Variants in LAMB4 observed in about 807,000 individuals in gnomAD.
LAMB4 encodes laminin subunit beta 4, also known as laminin subunit beta-4.
LAMB4 carries 196 observed loss-of-function variants against 199.2 expected under a neutral mutation model. That is an observed-to-expected ratio of 0.98 (90% CI 0.88 to 1.11). The LOEUF is 1.11. LAMB4 is among the 50% of genes least tolerant of loss of function. The probability of loss-of-function intolerance (pLI) is 0.00; values close to 1 mark genes in which losing one functional copy is unlikely to be tolerated. For synonymous variants in LAMB4, 744 were observed against 770.6 expected, an observed-to-expected ratio of 0.97 and a Z score of 0.57; for missense variants, 2,080 against 2,171.2, an observed-to-expected ratio of 0.96 and a Z score of 0.83.
At chr7:108,126,903 T>C (rs1237920633) in intron 1 of LAMB4, among the ~76,000 whole-genome samples, 1 of 152,130 alleles carries the variant, frequency 6.6e-6, no homozygotes, top group Non-Finnish European at 1.5e-5. Context: ...TATACCATTG[T>C]ATGCACCTGA....
intron 28 of LAMB4, among the ~76,000 whole-genome samples, chr7:108,045,817 A>G (rs1201551171): frequency 6.6e-6 from 1 of 152,236 alleles, no homozygotes; most frequent in African/African-American, 2.4e-5. Context: ...ATGTGAATGG[A>G]AAATGATGTG....
In LAMB4 at chr7:108,105,387, G is replaced by T. The variant is rs555670922; in HGVS notation, c.870+430C>A. Among the ~76,000 whole-genome samples, 7 of 152,300 alleles carry T rather than the reference G, an allele frequency of 4.6e-5. 1 individual carries two copies. The South Asian group carries it at 1.5e-3, about 32-fold the overall frequency. The stretch of plus-strand genomic sequence containing the variant: ...GGGTCTTGCACACAAAAGTCCTTCA[G>T]TAGATTTTTGTGAGAGAATGAATGT... On this transcript the variant is annotated intron_variant, in intron 8 of 33. Coordinates refer to ENST00000388781, the MANE Select transcript of LAMB4 (RefSeq NM_007356.3).
intron 33 of LAMB4, among the ~76,000 whole-genome samples, chr7:108,024,845 T>C (rs1361085152): frequency 6.6e-6 from 1 of 152,190 alleles, no homozygotes; most frequent in African/African-American, 2.4e-5. Context: ...AAGGAGACTA[T>C]ATAAGTGGAT....
At chr7:108,040,611 T>C (rs938127813) in intron 29 of LAMB4, among the ~76,000 whole-genome samples, 16 of 152,100 alleles carry the variant, frequency 1.1e-4, no homozygotes, top group African/African-American at 3.9e-4. Context: ...AGGCCACACA[T>C]CTAGAACTAT....
the LAMB4 span, among the ~76,000 whole-genome samples, chr7:108,016,413 A>G: frequency 6.7e-6 from 1 of 149,614 alleles, no homozygotes. Flanking sequence ...CTTCCCAAGT[A>G]GCTGGGACTA....
chr7:108,091,512 T>G (rs2037400174), intron 14 of LAMB4, 114 bp downstream of exon 14: 1 of 1,215,594 alleles, frequency 8.2e-7, no homozygotes, highest in Non-Finnish European at 1.2e-6. Flanking sequence ...TCTGCATCTT[T>G]GGGCAAAAGC....
intron 2 of LAMB4, among the ~76,000 whole-genome samples, chr7:108,119,678 G>C (rs1048065495): frequency 1.3e-5 from 2 of 152,194 alleles, no homozygotes; most frequent in Admixed American, 1.3e-4. Flanking sequence ...TGGTGGAACT[G>C]TTCTGTATCT....
chr7:108,085,183 A>G (rs981295928), intron 14 of LAMB4, among the ~76,000 whole-genome samples: 9 of 152,260 alleles, frequency 5.9e-5, no homozygotes, highest in African/African-American at 2.2e-4. Flanking sequence ...TGCTGAAGGT[A>G]GAGTGTTGGT....
rs3050225 is a variant in LAMB4, at chr7:108,032,695, C to CGTGTGTGT, written c.4818+1505_4818+1512dup. On this transcript the variant is annotated intron_variant, in intron 31 of 33. Coordinates refer to ENST00000388781, the MANE Select transcript of LAMB4 (RefSeq NM_007356.3). ...TTTTTCTACTGACTCTGTGTGTTTG[C>CGTGTGTGT]GTGTGTGTGTGTGTGTGTGTGTGTG... 5.7e-4 allele frequency among the ~76,000 whole-genome samples: 82 copies of CGTGTGTGT among 144,616 alleles called. No homozygotes were observed. The East Asian group carries it at 7.7e-3, about 13-fold the overall frequency. The allele number at this position is 144,616 out of a possible 152,430, so 94.9% of individuals were successfully genotyped here. A position where few individuals can be genotyped will look rare whatever the true frequency, so the allele number is the denominator to read the frequency against.
At chr7:108,128,687 C>A (rs1490470416) in intron 1 of LAMB4, among the ~76,000 whole-genome samples, 1 of 152,174 alleles carries the variant, frequency 6.6e-6, no homozygotes, top group Non-Finnish European at 1.5e-5. Flanking sequence ...CACAGCTGCA[C>A]ATACAGCGCA....
intron 3 of LAMB4, among the ~76,000 whole-genome samples, chr7:108,113,803 G>A (rs1002450950): frequency 2.6e-5 from 4 of 152,192 alleles, no homozygotes; most frequent in Non-Finnish European, 5.9e-5. Flanking sequence ...GGAAGCTTCT[G>A]AACAAAATGT....
At position 108,104,544 on chromosome 7, in the gene LAMB4, C is replaced by A; in HGVS notation, c.946G>T (p.Ala316Ser). 9.9e-6 allele frequency: 16 copies of A among 1,614,198 alleles called. No homozygotes were observed. The highest frequency in any genetic ancestry group is 1.4e-5 in the Non-Finnish European group (16 of 1,180,024). The change falls in exon 9 of 34, where the codon GCT becomes TCT. Residue 316 changes from alanine (A) to serine (S), a missense_variant. Ala to Ser is a moderately conservative substitution (Grantham distance 99, BLOSUM62 1). Transcript: ENST00000388781. ...CERCKDFFQD[A>S]PWRPAADLQD... ...AGGTCTGCAGCTGGCCTCCAAGGAG[C>A]ATCCTGGAAGAAGTCCTTGCATCTC...
chr7:108,092,681 G>A (rs1364749999), intron 12 of LAMB4, among the ~76,000 whole-genome samples: 2 of 152,092 alleles, frequency 1.3e-5, no homozygotes, highest in Non-Finnish European at 2.9e-5. Flanking sequence ...CGAGACGGGT[G>A]GATCACTTGA....
chr7:108,093,039 T>C (rs1450955414), intron 12 of LAMB4, among the ~76,000 whole-genome samples: 2 of 152,242 alleles, frequency 1.3e-5, no homozygotes, highest in Non-Finnish European at 2.9e-5. Context: ...CCTATCGGAA[T>C]AGAAGTTCTT....
chr7:108,106,361 A>T (rs1584764497), intron 7 of LAMB4, 148 bp downstream of exon 7: 2 of 618,164 alleles, frequency 3.2e-6, no homozygotes, highest in Non-Finnish European at 5.8e-6. Context: ...GAGGTTGCAG[A>T]GAGCTGAGAT....
chr7:108,059,897 C>T (rs775124309), intron 23 of LAMB4, among the ~76,000 whole-genome samples: 1 of 152,194 alleles, frequency 6.6e-6, no homozygotes, highest in Non-Finnish European at 1.5e-5. Context: ...ATATCTTGTT[C>T]TGTCTTTATC....
At chr7:108,101,269 A>G (rs2037807105) in intron 10 of LAMB4, among the ~76,000 whole-genome samples, 1 of 152,114 alleles carries the variant, frequency 6.6e-6, no homozygotes, top group African/African-American at 2.4e-5. Context: ...CATTTCTTAG[A>G]GTTGTGCTTG....
At chr7:108,052,599 A>G (rs528478294) in intron 25 of LAMB4, among the ~76,000 whole-genome samples, 1 of 152,296 alleles carries the variant, frequency 6.6e-6, no homozygotes, top group East Asian at 1.9e-4. Context: ...AATTAAATCA[A>G]TCTAAGGGAG....
chr7:108,044,627 T>G (rs947609050), intron 28 of LAMB4, among the ~76,000 whole-genome samples: 6 of 151,958 alleles, frequency 3.9e-5, no homozygotes, highest in Admixed American at 1.3e-4. Context: ...GTGACAGAAG[T>G]AGGGCTAGTT....
Sources: gnomAD v4.1 joint callset for allele counts (sites outside exome capture counted in the v4.1 genomes callset) on GRCh38, gnomAD v4.1.1 for gene constraint, MANE v1.5 for transcripts, NCBI Gene and HGNC (gene_info 2026-07-23, HGNC 2026-07-21) for gene names.